The following GIGYF2 variants were observed in gnomAD, a reference collection of about 807,000 sequenced individuals.
GIGYF2 encodes the protein GRB10-interacting GYF protein 2.
Under a neutral mutation model 208.1 loss-of-function variants are expected in GIGYF2, and 25 were observed. The observed-to-expected ratio is 0.12, with a 90% CI of 0.09 to 0.17. The LOEUF (loss-of-function observed/expected upper bound fraction) is 0.17, where lower values mean the gene tolerates loss of function less well. Among genes scored for constraint, GIGYF2 ranks in the 10% least tolerant of loss-of-function variants. The probability of loss-of-function intolerance (pLI) is 1.00; values close to 1 mark genes in which losing one functional copy is unlikely to be tolerated. For missense variants in GIGYF2, 1,302 were observed against 1,579.4 expected, an observed-to-expected ratio of 0.82 and a Z score of 2.98; for synonymous variants, 534 against 543.8, an observed-to-expected ratio of 0.98 and a Z score of 0.25.
intron 1 of GIGYF2, among the ~76,000 whole-genome samples, chr2:232,701,020 A>G (rs1159886708): frequency 6.6e-6 from 1 of 152,170 alleles, no homozygotes; most frequent in African/African-American, 2.4e-5. Flanking sequence ...TCATGCTCTC[A>G]GATGAATGAG....
intron 2 of GIGYF2, among the ~76,000 whole-genome samples, chr2:232,717,113 C>T (rs1161283639): frequency 6.6e-6 from 1 of 152,070 alleles, no homozygotes; most frequent in East Asian, 1.9e-4. Flanking sequence ...CATACTTGGC[C>T]TTGAAGTATT....
chr2:232,797,489 T>TGTGTGTG (rs148403782), intron 14 of GIGYF2, among the ~76,000 whole-genome samples: 2 of 144,994 alleles, frequency 1.4e-5, no homozygotes, highest in African/African-American at 2.6e-5. Context: ...AGAGCAGGGC[T>TGTGTGTG]TGTGTGTGTG....
At chr2:232,753,818 A>G (rs752300583) in intron 5 of GIGYF2, among the ~76,000 whole-genome samples, 21 of 152,118 alleles carry the variant, frequency 1.4e-4, no homozygotes, top group Non-Finnish European at 2.5e-4. Context: ...GTCTCTATAT[A>G]TTAGGTTGAC....
intron 8 of GIGYF2, among the ~76,000 whole-genome samples, chr2:232,764,799 C>A (rs1698887929): frequency 6.6e-6 from 1 of 152,180 alleles, no homozygotes; most frequent in Admixed American, 6.5e-5. Flanking sequence ...ACTGTTCACA[C>A]ATATTCACAC....
intron 8 of GIGYF2, among the ~76,000 whole-genome samples, chr2:232,783,606 C>T (rs914215526): frequency 2.6e-5 from 4 of 152,018 alleles, no homozygotes; most frequent in African/African-American, 9.7e-5. Context: ...TATAAAGGAG[C>T]TTAAATTTTG....
chr2:232,774,746 A>G (rs1359213486), intron 8 of GIGYF2, among the ~76,000 whole-genome samples: 2 of 152,154 alleles, frequency 1.3e-5, no homozygotes, highest in African/African-American at 2.4e-5. Context: ...CCACTGTCCT[A>G]CTGAATGCTG....
intron 26 of GIGYF2, among the ~76,000 whole-genome samples, chr2:232,846,248 G>A (rs1487366441): frequency 1.3e-5 from 2 of 152,212 alleles, no homozygotes; most frequent in Non-Finnish European, 2.9e-5. Flanking sequence ...CTGGACAAGT[G>A]ATGGCTGAAG....
At chr2:232,718,727 A>T (rs1296552319) in intron 2 of GIGYF2, among the ~76,000 whole-genome samples, 1 of 152,180 alleles carries the variant, frequency 6.6e-6, no homozygotes, top group African/African-American at 2.4e-5. Context: ...GATCTGGCTA[A>T]ACTAAAAATT....
At chr2:232,784,942 C>T (rs1244800172) in intron 8 of GIGYF2, among the ~76,000 whole-genome samples, 1 of 151,998 alleles carries the variant, frequency 6.6e-6, no homozygotes, top group Non-Finnish European at 1.5e-5. Flanking sequence ...CTTTCTTGCT[C>T]CCTCTCTCAC....
intron 22 of GIGYF2, among the ~76,000 whole-genome samples, chr2:232,833,313 G>T (rs1168647064): frequency 1.1e-4 from 17 of 152,008 alleles, no homozygotes; most frequent in Admixed American, 1.0e-3. Flanking sequence ...ACTTCCTTGG[G>T]CAGCTCATAT....
At position 232,755,105 on chromosome 2, in the gene GIGYF2, AAGTT is replaced by A. The variant is rs1472643797; in HGVS notation, c.268-1114_268-1111del. Among the ~76,000 whole-genome samples the A allele has an allele frequency of 2.6e-5, 4 of 152,224 alleles. No homozygotes were observed. In the East Asian group the frequency reaches 7.7e-4, roughly 29 times the overall value. ...TCAGTGGATTTTGAATCAAAATAGA[AAGTT>A]AGTGGAAACCAGTTTGGACTAAAAT... On this transcript the variant is annotated intron_variant, in intron 5 of 28. Coordinates refer to ENST00000373563, the MANE Select transcript of GIGYF2 (RefSeq NM_001103146.3).
chr2:232,739,361 ACCC>A (rs35983968), intron 3 of GIGYF2, among the ~76,000 whole-genome samples: 803 of 75,624 alleles, frequency 0.011, 39 homozygotes, highest in African/African-American at 0.041. Context: ...ACAAAAGCAA[ACCC>A]CCCCCCCCCC....
intron 28 of GIGYF2, among the ~76,000 whole-genome samples, chr2:232,854,713 T>A (rs1038290613): frequency 6.6e-6 from 1 of 152,150 alleles, no homozygotes; most frequent in Admixed American, 6.5e-5. Flanking sequence ...AATCATGATA[T>A]TTTTGAGTCA....
intron 8 of GIGYF2, chr2:232,768,365 C>A: frequency 6.2e-7 from 1 of 1,614,058 alleles, no homozygotes; most frequent in South Asian, 1.1e-5. Flanking sequence ...AACCTCGGGT[C>A]AACAGAGATG....
chr2:232,832,992 G>C lies in GIGYF2; in HGVS notation c.2665G>C (p.Val889Leu). The change falls in exon 22 of 29, where the codon GTC (valine) becomes CTC (leucine). Residue 889 changes from valine to leucine, a missense_variant. By Grantham distance (32) the Val-to-Leu change is conservative (BLOSUM62 1). Coordinates refer to ENST00000373563, the MANE Select transcript of GIGYF2 (RefSeq NM_001103146.3). ...EEERKRKELEVQRQKELMRQR... is the reference protein window; with the variant it reads ...EEERKRKELELQRQKELMRQR... ...AGAACGGAAGAGAAAGGAGCTGGAG[G>C]TCCAGCGGCAGAAGGAGTTAATGCG... 1 of 1,575,208 alleles carries C rather than the reference G, an allele frequency of 6.3e-7. No homozygotes were observed. The highest frequency in any genetic ancestry group is 8.6e-7 in the Non-Finnish European group (1 of 1,159,994).
At chr2:232,835,772 G>T (rs987910073) in intron 22 of GIGYF2, among the ~76,000 whole-genome samples, 2 of 152,130 alleles carry the variant, frequency 1.3e-5, no homozygotes, top group African/African-American at 2.4e-5. Flanking sequence ...AGGTGACCGT[G>T]GGTTTGGCAG....
intron 22 of GIGYF2, 39 bp from the exon 23 acceptor site, chr2:232,839,809 CA>C: frequency 6.2e-7 from 1 of 1,611,274 alleles, no homozygotes; most frequent in Non-Finnish European, 8.5e-7. Context: ...TTCCTGTCCA[CA>C]TTTCCTCATG....
rs114541074 is a variant in GIGYF2 at position 232,727,946 on chromosome 2, A to G, written c.-43-7209A>G. Among the ~76,000 whole-genome samples, 1,093 of 152,276 alleles carry G rather than the reference A, an allele frequency of 7.2e-3. 15 individuals carry two copies. Among genetic ancestry groups the G allele is most frequent in the African/African-American group, 0.024 (1,004 of 41,548 alleles). On this transcript the variant is annotated intron_variant, in intron 2 of 28. Transcript: ENST00000373563. Reference sequence around the variant, plus strand: ...TTTTCTGCTTCCTTTTAAGCTTTATAATACACATTTGAAAAATACCCGCAA... The same window carrying G: ...TTTTCTGCTTCCTTTTAAGCTTTATGATACACATTTGAAAAATACCCGCAA...
chr2:232,792,903 C>CCAGATTTA (rs1425226185), intron 12 of GIGYF2, among the ~76,000 whole-genome samples: 1 of 152,096 alleles, frequency 6.6e-6, no homozygotes, highest in Non-Finnish European at 1.5e-5. Context: ...GGTCGAAACT[C>CCAGATTTA]CAGATTTATA....
Sources: allele counts gnomAD v4.1 joint callset (sites outside exome capture counted in the v4.1 genomes callset), GRCh38; gene constraint gnomAD v4.1.1; transcripts MANE v1.5; gene names NCBI Gene and HGNC (gene_info 2026-07-23, HGNC 2026-07-21).